Variants in GNA14 observed in about 807,000 individuals in gnomAD.
GNA14 encodes guanine nucleotide-binding protein subunit alpha-14.
Under a neutral mutation model 42.0 loss-of-function variants are expected in GNA14, and 50 were observed. The observed-to-expected ratio is 1.19, with a 90% confidence interval of 0.95 to 1.51. The LOEUF is 1.51. Among genes scored for constraint, GNA14 ranks in the 40% most tolerant of loss-of-function variants. The pLI, the probability that GNA14 is intolerant of heterozygous loss-of-function variation, is 0.00. For missense variants in GNA14, 473 were observed against 446.2 expected (o/e 1.06, Z -0.54); for synonymous variants, 173 against 163.1 (o/e 1.06, Z -0.46).
intron 2 of GNA14, among the ~76,000 whole-genome samples, chr9:77,513,898 G>T (rs1160611796): frequency 6.6e-5 from 10 of 151,274 alleles, no homozygotes; most frequent in Admixed American, 1.3e-4. Context: ...GATGAAAAGG[G>T]TATTATCTAT....
intron 1 of GNA14, among the ~76,000 whole-genome samples, chr9:77,533,957 A>T (rs11790481): frequency 0.08 from 12,210 of 152,244 alleles, 550 homozygotes; most frequent in Middle Eastern, 0.15. Context: ...CTCAACTAGC[A>T]TTTCCCAAAC....
Position 77,425,647 on chromosome 9 carries a change from A to C in GNA14, c.792T>G (p.Ser264=), listed in dbSNP as rs781712782. 10 of 1,607,882 alleles carry C rather than the reference A, an allele frequency of 6.2e-6. No homozygotes were observed. Among genetic ancestry groups the C allele is most frequent in the Non-Finnish European group, 8.5e-6 (10 of 1,174,442 alleles). ...CCTTCTTGTTCAAGAATAAAATCACAGACGAATTCAGAAACCAGGGGTAGG... is the reference window on the plus strand; with the variant it reads ...CCTTCTTGTTCAAGAATAAAATCACCGACGAATTCAGAAACCAGGGGTAGG... ...IITYPWFLNS[S]VILFLNKKDL... The change falls in exon 6 of 7, where the codon TCT becomes TCG. Residue 264 remains serine (S), a synonymous_variant. Transcript: ENST00000341700.
At position 77,573,452 on chromosome 9, in the gene GNA14, AAAAT is replaced by A. The variant is rs778687188; in HGVS notation, c.125-44203_125-44200del. ...CAACAAAGTGACATTCCGTCTCAAA[AAAAT>A]AAATAAATAAAAATTTAAAAATAAT... On this transcript the variant is annotated intron_variant, in intron 1 of 6. Coordinates refer to ENST00000341700, the MANE Select transcript of GNA14 (RefSeq NM_004297.4). Among the ~76,000 whole-genome samples the A allele has an allele frequency of 2.2e-4, 33 of 152,224 alleles. No individual in the cohort carries two copies. In the East Asian group the frequency reaches 4.2e-3, roughly 20 times the overall value.
intron 1 of GNA14, among the ~76,000 whole-genome samples, chr9:77,560,961 A>T (rs1039796355): frequency 6.6e-6 from 1 of 152,188 alleles, no homozygotes; most frequent in African/African-American, 2.4e-5. Context: ...TCTAGCTGAC[A>T]TCTAGCTAAA....
At chr9:77,527,657 G>A (rs755681042) in intron 2 of GNA14, among the ~76,000 whole-genome samples, 3 of 152,152 alleles carry the variant, frequency 2.0e-5, no homozygotes, top group Non-Finnish European at 4.4e-5. Context: ...TTTTGAGACG[G>A]AGTTTCGCTC....
chr9:77,583,586 TGA>T (rs926059668), intron 1 of GNA14, among the ~76,000 whole-genome samples: 1 of 152,206 alleles, frequency 6.6e-6, no homozygotes, highest in Non-Finnish European at 1.5e-5. Flanking sequence ...AGTGTATGTG[TGA>T]GAGACACTGA....
intron 1 of GNA14, among the ~76,000 whole-genome samples, chr9:77,551,139 C>T (rs1837781125): frequency 1.3e-5 from 2 of 152,120 alleles, no homozygotes; most frequent in Non-Finnish European, 2.9e-5. Context: ...TTTCATTATA[C>T]TTTATACAGA....
intron 2 of GNA14, among the ~76,000 whole-genome samples, chr9:77,473,331 C>A (rs1836364092): frequency 6.6e-6 from 1 of 152,008 alleles, no homozygotes; most frequent in Non-Finnish European, 1.5e-5. Context: ...GTGGTGTGCC[C>A]CTGTAGTCCC....
At chr9:77,482,110 T>C (rs139425451) in intron 2 of GNA14, among the ~76,000 whole-genome samples, 171 of 152,338 alleles carry the variant, frequency 1.1e-3, no homozygotes, top group African/African-American at 3.8e-3. Flanking sequence ...AGTTGGTTAT[T>C]TTGCTCATTA....
chr9:77,626,036 G>A (rs1324376730), intron 1 of GNA14, among the ~76,000 whole-genome samples: 1 of 150,236 alleles, frequency 6.7e-6, no homozygotes, highest in African/African-American at 2.5e-5. Context: ...AAGGGATGGA[G>A]GAATATTTAC....
At chr9:77,578,037 G>A (rs975510417) in intron 1 of GNA14, among the ~76,000 whole-genome samples, 7 of 152,188 alleles carry the variant, frequency 4.6e-5, no homozygotes, top group Non-Finnish European at 1.0e-4. Context: ...GGAGGCTGAG[G>A]CGGGCAGATC....
intron 2 of GNA14, among the ~76,000 whole-genome samples, chr9:77,505,243 T>A (rs568148761): frequency 6.6e-6 from 1 of 152,318 alleles, no homozygotes; most frequent in South Asian, 2.1e-4. Context: ...ATAGGCTGAA[T>A]AAGAAACTAT....
intron 2 of GNA14, 108 bp from the exon 3 acceptor site, chr9:77,434,630 T>A: frequency 2.1e-6 from 2 of 950,198 alleles, no homozygotes; most frequent in Non-Finnish European, 3.2e-6. Context: ...GAGCTCTCAC[T>A]AGGCATGGGG....
At chr9:77,639,533 T>C (rs1316754109) in intron 1 of GNA14, among the ~76,000 whole-genome samples, 5 of 152,160 alleles carry the variant, frequency 3.3e-5, no homozygotes, top group Admixed American at 6.5e-5. Flanking sequence ...ATGAGCACAA[T>C]CAGACAGATG....
intron 2 of GNA14, among the ~76,000 whole-genome samples, chr9:77,446,554 C>A (rs1267475264): frequency 6.6e-6 from 1 of 152,124 alleles, no homozygotes; most frequent in Non-Finnish European, 1.5e-5. Flanking sequence ...CATGACTGGG[C>A]CTGACCTCCA....
At chr9:77,503,935 G>C (rs1485574769) in intron 2 of GNA14, among the ~76,000 whole-genome samples, 1 of 152,122 alleles carries the variant, frequency 6.6e-6, no homozygotes, top group African/African-American at 2.4e-5. Context: ...ACCTGCCTCA[G>C]CCTCCAAAGT....
intron 1 of GNA14, among the ~76,000 whole-genome samples, chr9:77,595,999 C>A (rs1823461413): frequency 6.6e-6 from 1 of 151,972 alleles, no homozygotes; most frequent in Non-Finnish European, 1.5e-5. Context: ...CTCAGACCTG[C>A]AGGGAGGGAG....
chr9:77,441,232 T>C (rs966728383), intron 2 of GNA14, among the ~76,000 whole-genome samples: 16 of 152,108 alleles, frequency 1.1e-4, no homozygotes, highest in African/African-American at 3.9e-4. Flanking sequence ...TGGGAGGTGA[T>C]TGGATGATGG....
chr9:77,433,838 C>CCACTTCCT (rs1223547243), intron 3 of GNA14, among the ~76,000 whole-genome samples: 2 of 152,166 alleles, frequency 1.3e-5, no homozygotes, highest in African/African-American at 2.4e-5. Flanking sequence ...GTGTGTGCTG[C>CCACTTCCT]GAGCGCAGCC....
Sources: gnomAD v4.1 joint callset for allele counts (sites outside exome capture counted in the v4.1 genomes callset) on GRCh38, gnomAD v4.1.1 for gene constraint, MANE v1.5 for transcripts, NCBI Gene and HGNC (gene_info 2026-07-23, HGNC 2026-07-21) for gene names.